RBM19: variants seen among roughly 807,000 people sequenced by gnomAD.
RBM19 encodes the protein RNA binding motif protein 19, also known as probable RNA-binding protein 19.
In RBM19, 94 loss-of-function variants were observed where a neutral mutation model predicts 116.8. The ratio of observed to expected loss-of-function variants is 0.80; its 90% CI spans 0.68 to 0.95. The LOEUF is 0.95. RBM19 is among the 40% of genes least tolerant of loss of function. The pLI is 0.00. For missense variants in RBM19, 1,161 were observed against 1,220.7 expected (o/e 0.95, Z 0.73); for synonymous variants, 475 against 494.1 (o/e 0.96, Z 0.51).
At chr12:113,965,254 C>A (rs1040324248) in intron 1 of RBM19, among the ~76,000 whole-genome samples, 2 of 148,570 alleles carry the variant, frequency 1.3e-5, no homozygotes, top group East Asian at 3.9e-4. Flanking sequence ...CGCAGTCCAG[C>A]CTGGGAGACA....
At chr12:113,962,912 A>T (rs958005046) in intron 1 of RBM19, among the ~76,000 whole-genome samples, 4 of 152,192 alleles carry the variant, frequency 2.6e-5, no homozygotes, top group African/African-American at 9.6e-5. Flanking sequence ...AGATGGGGAG[A>T]TGATCTGGAT....
At chr12:113,866,052 A>C (rs1878785650) in intron 21 of RBM19, among the ~76,000 whole-genome samples, 1 of 152,214 alleles carries the variant, frequency 6.6e-6, no homozygotes, top group Admixed American at 6.5e-5. Context: ...GAGTGTGTAC[A>C]AAGTGCAGGG....
intron 18 of RBM19, among the ~76,000 whole-genome samples, chr12:113,923,488 G>GT (rs924535209): frequency 6.6e-6 from 1 of 152,218 alleles, no homozygotes; most frequent in Non-Finnish European, 1.5e-5. Context: ...CTTCTGTGCT[G>GT]TATGTCTGCT....
At chr12:113,893,013 A>C (rs1881060913) in intron 21 of RBM19, among the ~76,000 whole-genome samples, 2 of 147,756 alleles carry the variant, frequency 1.4e-5, no homozygotes, top group African/African-American at 5.1e-5. Context: ...CAATGACCAC[A>C]CTGTAACTAT....
chr12:113,835,129 A>G (rs1253725918), intron 23 of RBM19, among the ~76,000 whole-genome samples: 1 of 152,168 alleles, frequency 6.6e-6, no homozygotes, highest in East Asian at 1.9e-4. Context: ...CTTGGAGCAC[A>G]TTAGCCAGCT....
intron 22 of RBM19, among the ~76,000 whole-genome samples, chr12:113,847,566 G>A (rs1319743928): frequency 6.6e-6 from 1 of 152,020 alleles, no homozygotes; most frequent in Non-Finnish European, 1.5e-5. Flanking sequence ...TGGTGTGGCG[G>A]ATGTTCCATC....
At chr12:113,966,145 C>T in intron 1 of RBM19, 47 bp downstream of exon 1, 3 of 1,613,486 alleles carry the variant, frequency 1.9e-6, no homozygotes, top group Non-Finnish European at 2.5e-6. Context: ...CCTCACAGCT[C>T]CCGGCTGGTC....
chr12:113,892,579 A>T (rs1334633573), intron 21 of RBM19, among the ~76,000 whole-genome samples: 1 of 152,244 alleles, frequency 6.6e-6, no homozygotes, highest in Non-Finnish European at 1.5e-5. Flanking sequence ...TGCTGGGCAA[A>T]AAGACAGCAG....
chr12:113,918,535 C>A, intron 19 of RBM19, 88 bp from the exon 20 acceptor site: 1 of 1,394,950 alleles, frequency 7.2e-7, no homozygotes, highest in Middle Eastern at 2.1e-4. Context: ...AGCCCTGGCT[C>A]GCAGATGGGA....
At chr12:113,852,903 A>C (rs1877567331) in intron 22 of RBM19, among the ~76,000 whole-genome samples, 1 of 152,214 alleles carries the variant, frequency 6.6e-6, no homozygotes, top group African/African-American at 2.4e-5. Context: ...GCCACTGACA[A>C]TCTAATAGCG....
chr12:113,825,925 A>G lies in RBM19; in HGVS notation c.2786-2604T>C, dbSNP rs1874819621. On this transcript the variant is annotated intron_variant, in intron 23 of 23. Transcript: ENST00000261741. The surrounding 1 kb of genome is among the most constrained non-coding windows in gnomAD (Gnocchi z 5.7). Reference sequence around the variant, plus strand: ...TTCCTTTGCTCAAGCCTCCAGGGGCACCATCTCACCTGGGGAAAAGCTAAA... The same window carrying G: ...TTCCTTTGCTCAAGCCTCCAGGGGCGCCATCTCACCTGGGGAAAAGCTAAA... Among the ~76,000 whole-genome samples the G allele has an allele frequency of 1.3e-5, 2 of 152,220 alleles. No homozygotes were observed. The highest frequency in any genetic ancestry group is 4.2e-4 in the South Asian group (2 of 4,814).
At chr12:113,852,048 CAAA>C (rs10570726) in intron 22 of RBM19, among the ~76,000 whole-genome samples, 38 of 148,754 alleles carry the variant, frequency 2.6e-4, no homozygotes, top group Admixed American at 1.8e-3. Context: ...GAGATTGTCT[CAAA>C]AAAAAAAAAA....
intron 20 of RBM19, among the ~76,000 whole-genome samples, chr12:113,917,632 C>A (rs1882846205): frequency 6.6e-6 from 1 of 152,194 alleles, no homozygotes; most frequent in African/African-American, 2.4e-5. Context: ...GCCGGATGAC[C>A]ACAACAAATT....
intron 1 of RBM19, among the ~76,000 whole-genome samples, chr12:113,963,985 T>C (rs1299307370): frequency 6.6e-6 from 1 of 152,234 alleles, no homozygotes; most frequent in Non-Finnish European, 1.5e-5. Context: ...ATGGACGAGA[T>C]AACCAACCCT....
At chr12:113,845,616 GC>G (rs1780141879) in intron 22 of RBM19, among the ~76,000 whole-genome samples, 1 of 151,814 alleles carries the variant, frequency 6.6e-6, no homozygotes. Context: ...CAGTCCCCCA[GC>G]CCCTGGCAAC....
At chr12:113,911,992 T>G (rs1882459009) in intron 21 of RBM19, among the ~76,000 whole-genome samples, 1 of 152,184 alleles carries the variant, frequency 6.6e-6, no homozygotes, top group African/African-American at 2.4e-5. Context: ...TCCAAAAGCA[T>G]AATCCTTGAG....
intron 21 of RBM19, among the ~76,000 whole-genome samples, chr12:113,909,089 T>C (rs1478068118): frequency 6.6e-6 from 1 of 152,118 alleles, no homozygotes; most frequent in African/African-American, 2.4e-5. Flanking sequence ...AGTTAGTCAG[T>C]GGAAGAGTGT....
intron 13 of RBM19, among the ~76,000 whole-genome samples, chr12:113,945,547 A>G (rs1267906878): frequency 6.6e-6 from 1 of 152,236 alleles, no homozygotes; most frequent in Non-Finnish European, 1.5e-5. Flanking sequence ...AGTACCACAC[A>G]CTAATTCTCA....
chr12:113,819,870 C>CTTTA (rs1874301619), downstream of RBM19, among the ~76,000 whole-genome samples: 2 of 152,206 alleles, frequency 1.3e-5, no homozygotes, highest in Non-Finnish European at 2.9e-5. Context: ...CCTGGCTGTA[C>CTTTA]TTTACTGCAT....
Sources: allele counts gnomAD v4.1 joint callset (sites outside exome capture counted in the v4.1 genomes callset), GRCh38; gene constraint gnomAD v4.1.1; non-coding constraint Gnocchi (gnomAD v3.1); transcripts MANE v1.5; gene names NCBI Gene and HGNC (gene_info 2026-07-23, HGNC 2026-07-21).